Variants in ZNF536 observed in about 807,000 individuals in gnomAD.
The protein encoded by ZNF536 is zinc finger protein 536.
In ZNF536, 13 loss-of-function variants were observed where a neutral mutation model predicts 84.5. The ratio of observed to expected loss-of-function variants is 0.15; its 90% CI spans 0.10 to 0.24. The LOEUF is 0.24. Ranked by LOEUF, ZNF536 falls within the 10% of genes least tolerant of loss-of-function variation. The pLI is 1.00. For missense variants in ZNF536, 1,536 were observed against 1,747.5 expected (o/e 0.88, Z 2.16); for synonymous variants, 811 against 742.5 (o/e 1.09, Z -1.50).
upstream of ZNF536, among the ~76,000 whole-genome samples, chr19:30,368,344 C>G (rs1166001487): frequency 6.6e-6 from 1 of 152,232 alleles, no homozygotes; most frequent in Non-Finnish European, 1.5e-5. Flanking sequence ...CACACTACGG[C>G]TGCAAAACTC....
chr19:30,605,660 G>T (rs2047844533), intron 1 of ZNF536, among the ~76,000 whole-genome samples: 1 of 152,146 alleles, frequency 6.6e-6, no homozygotes, highest in Admixed American at 6.5e-5. Flanking sequence ...ATGTGTGTGG[G>T]TGTCTTTCAT....
At chr19:30,667,739 T>C (rs2050389025) in intron 1 of ZNF536, among the ~76,000 whole-genome samples, 1 of 151,258 alleles carries the variant, frequency 6.6e-6, no homozygotes, top group African/African-American at 2.4e-5. Context: ...TTGTCTTGGA[T>C]ATAGAGTACA....
At chr19:30,275,449 T>G (rs764500445) in intron 1 of ZNF536, among the ~76,000 whole-genome samples, 1 of 152,162 alleles carries the variant, frequency 6.6e-6, no homozygotes, top group Non-Finnish European at 1.5e-5. Flanking sequence ...GGCCACTGGC[T>G]GTGTCTGACC....
At chr19:30,405,703 C>A (rs550590649) in intron 1 of ZNF536, among the ~76,000 whole-genome samples, 5 of 152,112 alleles carry the variant, frequency 3.3e-5, no homozygotes, top group Non-Finnish European at 7.4e-5. Context: ...TCGTTTTCCA[C>A]CTTTGCATCC....
intron 2 of ZNF536, among the ~76,000 whole-genome samples, chr19:30,485,752 AG>A (rs1359742658): frequency 6.6e-6 from 1 of 152,142 alleles, no homozygotes; most frequent in East Asian, 1.9e-4. Flanking sequence ...GTGTTTGTAA[AG>A]TGCTATAAGC....
At chr19:30,644,473 G>A (rs568459679) in intron 1 of ZNF536, among the ~76,000 whole-genome samples, 81 of 151,914 alleles carry the variant, frequency 5.3e-4, no homozygotes, top group Non-Finnish European at 1.0e-3. Context: ...CCAGTAACTC[G>A]TCATTTAGCA....
At chr19:30,496,857 C>T (rs944369432) in intron 2 of ZNF536, among the ~76,000 whole-genome samples, 9 of 151,952 alleles carry the variant, frequency 5.9e-5, no homozygotes, top group African/African-American at 2.2e-4. Flanking sequence ...CTACGAGGGG[C>T]GAGGGGCACT....
intron 1 of ZNF536, among the ~76,000 whole-genome samples, chr19:30,676,952 C>A (rs1455563300): frequency 6.6e-6 from 1 of 152,172 alleles, no homozygotes; most frequent in African/African-American, 2.4e-5. Flanking sequence ...GTGATCCTCC[C>A]ACCTCGGCCT....
chr19:30,415,318 CT>C, intron 1 of ZNF536, among the ~76,000 whole-genome samples: 1 of 146,834 alleles, frequency 6.8e-6, no homozygotes, highest in African/African-American at 2.5e-5. Flanking sequence ...CCTTCTCCTT[CT>C]TCTTCTTCTT....
rs567325911 is a variant in ZNF536, at chr19:30,567,520, A to G, written c.169+18006A>G. 4.6e-5 allele frequency among the ~76,000 whole-genome samples: 7 copies of G among 152,226 alleles called. No homozygotes were observed. The South Asian group carries it at 1.0e-3, about 23-fold the overall frequency. On this transcript the variant is annotated intron_variant, in intron 1 of 1. Transcript: ENST00000592773. The stretch of plus-strand genomic sequence containing the variant: ...ATTCAGTCATTTTCCAGCCTCAGGG[A>G]AAAAAAGCAAAAATCTGTCATCTCC...
chr19:30,320,405 C>T (rs1283079956), intron 2 of ZNF536, among the ~76,000 whole-genome samples: 3 of 152,208 alleles, frequency 2.0e-5, no homozygotes, highest in Admixed American at 6.5e-5. Flanking sequence ...TACGATTCAT[C>T]AGGAATGTTT....
chr19:30,239,168 A>G (rs2023757462), intron 1 of ZNF536, among the ~76,000 whole-genome samples: 1 of 152,182 alleles, frequency 6.6e-6, no homozygotes, highest in Non-Finnish European at 1.5e-5. Context: ...TGAAGAAGCA[A>G]GCCTCCATCT....
chr19:30,541,754 C>CATTATA (rs2045340893), intron 3 of ZNF536, among the ~76,000 whole-genome samples: 1 of 152,172 alleles, frequency 6.6e-6, no homozygotes, highest in Non-Finnish European at 1.5e-5. Context: ...TTTCATTATA[C>CATTATA]AAATTAATGC....
chr19:30,313,596 C>A (rs2046577860), intron 2 of ZNF536, among the ~76,000 whole-genome samples: 1 of 152,240 alleles, frequency 6.6e-6, no homozygotes, highest in African/African-American at 2.4e-5. Context: ...TCCAAAGCCT[C>A]CCAGGGCCAG....
chr19:30,531,164 C>T (rs894455363), intron 2 of ZNF536, among the ~76,000 whole-genome samples: 1 of 152,234 alleles, frequency 6.6e-6, no homozygotes, highest in Non-Finnish European at 1.5e-5. Context: ...AATAATTAGA[C>T]TCTTAAATCT....
chr19:30,265,771 C>G (rs59844376), intron 1 of ZNF536, among the ~76,000 whole-genome samples: 3,687 of 152,262 alleles, frequency 0.024, 127 homozygotes, highest in African/African-American at 0.084. Context: ...CTTAGGGACA[C>G]GGGTCTGCCC....
intron 1 of ZNF536, among the ~76,000 whole-genome samples, chr19:30,393,035 C>G (rs59899774): frequency 0.012 from 1,893 of 152,266 alleles, 37 homozygotes; most frequent in African/African-American, 0.043. Context: ...ATTAACGACA[C>G]CTACTGTGTG....
At chr19:30,232,575 G>A (rs946331540) in intron 1 of ZNF536, among the ~76,000 whole-genome samples, 1 of 152,184 alleles carries the variant, frequency 6.6e-6, no homozygotes, top group Non-Finnish European at 1.5e-5. Context: ...AGGATAATGA[G>A]CTTTCACTTT....
chr19:30,562,336 G>T (rs1019138430), downstream of ZNF536, among the ~76,000 whole-genome samples: 4 of 152,118 alleles, frequency 2.6e-5, no homozygotes, highest in Non-Finnish European at 5.9e-5. Context: ...TTCTATTTGG[G>T]CAAGGCCATC....
Sources: gnomAD v4.1 joint callset for allele counts (sites outside exome capture counted in the v4.1 genomes callset) on GRCh38, gnomAD v4.1.1 for gene constraint, MANE v1.5 for transcripts, NCBI Gene and HGNC (gene_info 2026-07-23, HGNC 2026-07-21) for gene names.